HSD17B3: variants seen among roughly 807,000 people sequenced by gnomAD.
HSD17B3 encodes the protein hydroxysteroid 17-beta dehydrogenase 3, also known as 17-beta-hydroxysteroid dehydrogenase type 3.
HSD17B3 carries 29 observed loss-of-function variants against 41.1 expected under a neutral mutation model. The observed-to-expected ratio is 0.71, with a 90% confidence interval of 0.53 to 0.96. The LOEUF is 0.96. Ranked by LOEUF, HSD17B3 falls within the 40% of genes least tolerant of loss-of-function variation. HSD17B3 has a pLI of 0.00. For synonymous variants in HSD17B3, 126 were observed against 145.6 expected, an observed-to-expected ratio of 0.87 and a Z score of 0.97; for missense variants, 323 against 374.6, an observed-to-expected ratio of 0.86 and a Z score of 1.14.
intron 4 of HSD17B3, 61 bp downstream of exon 4, chr9:96,252,742 T>C: frequency 1.2e-6 from 1 of 859,680 alleles, no homozygotes; most frequent in Middle Eastern, 2.6e-4. Context: ...ATGTCACTCA[T>C]CAGTGTCAGG....
intron 2 of HSD17B3, among the ~76,000 whole-genome samples, chr9:96,267,951 A>C (rs1293457254): frequency 2.6e-5 from 4 of 152,050 alleles, no homozygotes; most frequent in Non-Finnish European, 5.9e-5. Flanking sequence ...TTTGAGACAG[A>C]GTCTCACTCT....
chr9:96,244,207 C>T lies in HSD17B3; in HGVS notation c.672+122G>A, dbSNP rs140216363. The T allele has an allele frequency of 2.6e-4, 246 of 964,120 alleles. 2 individuals carry two copies. In the African/African-American group the frequency reaches 3.3e-3, roughly 13 times the overall value. The allele number at this position is 964,120 out of a possible 1,614,324, so 59.7% of individuals were successfully genotyped here. A position where few individuals can be genotyped will look rare whatever the true frequency, so the allele number is the denominator to read the frequency against. On this transcript the variant is annotated intron_variant, in intron 9 of 10. Coordinates refer to ENST00000375263, the MANE Select transcript of HSD17B3 (RefSeq NM_000197.2). ...CATCTTCCTGTTGACCACACATGAG[C>T]AGCCAGACCCACAGGAGGCAGTGGC...
In HSD17B3 at chr9:96,302,138, G is replaced by A. The variant is rs759418931; in HGVS notation, c.-34C>T. 2.9e-5 allele frequency: 46 copies of A among 1,609,040 alleles called. No individual in the cohort carries two copies. The highest frequency in any genetic ancestry group is 1.7e-4 in the Middle Eastern group (1 of 5,996). On this transcript the variant is annotated 5_prime_UTR_variant, in exon 1 of 11. The change creates a new upstream start codon in the 5' untranslated region. Coordinates refer to ENST00000375263, the MANE Select transcript of HSD17B3 (RefSeq NM_000197.2). ...TCAACAGACTGTTTCAGCCCTGGCC[G>A]TGGCTCTCTGTGTATGCCTCCTGGG... is the stretch of plus-strand genomic sequence containing the variant.
At chr9:96,278,833 G>A (rs571299095) in intron 2 of HSD17B3, among the ~76,000 whole-genome samples, 22 of 152,172 alleles carry the variant, frequency 1.4e-4, no homozygotes, top group Non-Finnish European at 2.8e-4. Context: ...TGCCTTACAA[G>A]GCAAGCAAGC....
At chr9:96,286,904 C>T (rs1167055717) in intron 2 of HSD17B3, among the ~76,000 whole-genome samples, 1 of 152,180 alleles carries the variant, frequency 6.6e-6, no homozygotes, top group East Asian at 1.9e-4. Context: ...CAACCAGCAG[C>T]CCTCAGGGCT....
At chr9:96,298,629 G>A (rs889722218) in intron 1 of HSD17B3, among the ~76,000 whole-genome samples, 167 bp from the exon 2 acceptor site, 80 of 152,302 alleles carry the variant, frequency 5.3e-4, no homozygotes, top group African/African-American at 1.9e-3. Context: ...AAACATTCAG[G>A]TGAAAGGATT....
At chr9:96,266,572 A>G (rs1826050530) in intron 2 of HSD17B3, among the ~76,000 whole-genome samples, 1 of 152,134 alleles carries the variant, frequency 6.6e-6, no homozygotes, top group African/African-American at 2.4e-5. Flanking sequence ...GCCTAGCCCC[A>G]GCCTACAAAA....
At chr9:96,287,607 G>T (rs1442406481) in intron 2 of HSD17B3, among the ~76,000 whole-genome samples, 1 of 152,174 alleles carries the variant, frequency 6.6e-6, no homozygotes, top group African/African-American at 2.4e-5. Flanking sequence ...CTACCAGGGA[G>T]GCTGAGGCAG....
rs10545828 is a variant in HSD17B3, at chr9:96,300,607, TTGTGTG to T, written c.154+1338_154+1343del. On this transcript the variant is annotated intron_variant, in intron 1 of 10. Coordinates refer to ENST00000375263, the MANE Select transcript of HSD17B3 (RefSeq NM_000197.2). ...TTAATCATTTTTGTCATTGGATTCT[TTGTGTG>T]TGTGTGTGTGTGTGTGTGTGTGTGT... is the stretch of plus-strand genomic sequence containing the variant. Among the ~76,000 whole-genome samples, 14 of 109,878 alleles carry T rather than the reference TTGTGTG, an allele frequency of 1.3e-4. 1 individual carries two copies. The highest frequency in any genetic ancestry group is 6.9e-4 in the South Asian group (2 of 2,914). 72.1% of individuals were successfully genotyped at this position (109,878 alleles called of 152,430 possible).
intron 2 of HSD17B3, among the ~76,000 whole-genome samples, chr9:96,280,399 G>C (rs1826643675): frequency 6.6e-6 from 1 of 152,168 alleles, no homozygotes; most frequent in Non-Finnish European, 1.5e-5. Flanking sequence ...TATAACATCT[G>C]TTAGGCTAGC....
intron 2 of HSD17B3, among the ~76,000 whole-genome samples, chr9:96,279,238 A>G (rs1012422138): frequency 2.0e-5 from 3 of 152,198 alleles, no homozygotes; most frequent in Admixed American, 2.0e-4. Context: ...ACATATACCC[A>G]AGGTGGTTGG....
chr9:96,249,896 G>A, intron 5 of HSD17B3, 110 bp from the exon 6 acceptor site: 1 of 1,595,206 alleles, frequency 6.3e-7, no homozygotes, highest in Non-Finnish European at 8.5e-7. Context: ...TGTCTGAACG[G>A]TTTCATCACT....
intron 2 of HSD17B3, among the ~76,000 whole-genome samples, chr9:96,277,883 T>C (rs1221784699): frequency 6.7e-6 from 1 of 149,408 alleles, no homozygotes; most frequent in East Asian, 2.0e-4. Context: ...TGGAATATCA[T>C]TTAGCCTTTA....
chr9:96,246,569 G>A lies in HSD17B3; in HGVS notation c.511C>T (p.His171Tyr). 6.2e-7 allele frequency: 1 copy of A among 1,614,096 alleles called. No individual in the cohort carries two copies. The highest frequency in any genetic ancestry group is 1.7e-5 in the Admixed American group (1 of 60,018). ...VVKMTQLILK[H>Y]MESRQKGLIL... ...AGAAGGCCTTACCTTGATTCCATAT[G>A]TTTCAGAATTAGCTGTGTCATCTAC... Residue 171 changes from histidine to tyrosine, a missense_variant, in exon 7 of 11, where the codon CAT becomes TAT. Transcript: ENST00000375263.
intron 2 of HSD17B3, among the ~76,000 whole-genome samples, chr9:96,280,589 T>C (rs537301810): frequency 1.3e-5 from 2 of 151,982 alleles, no homozygotes; most frequent in African/African-American, 4.8e-5. Context: ...TGCAATAGGG[T>C]GGGGCTGGCA....
chr9:96,252,692 A>T, intron 4 of HSD17B3, 111 bp downstream of exon 4: 1 of 760,574 alleles, frequency 1.3e-6, no homozygotes, highest in Non-Finnish European at 2.4e-6. Context: ...AGCTTAAAAT[A>T]CAGTCATGGT....
At chr9:96,237,798 T>C (rs891842089) in intron 10 of HSD17B3, among the ~76,000 whole-genome samples, 12 of 152,214 alleles carry the variant, frequency 7.9e-5, no homozygotes. Context: ...CCTGAAGAAA[T>C]TAGAATCTGT....
intron 5 of HSD17B3, chr9:96,250,124 ATG>A (rs1303741433): frequency 7.7e-7 from 1 of 1,294,958 alleles, no homozygotes; most frequent in Non-Finnish European, 9.9e-7. Flanking sequence ...GGGTTAGCCT[ATG>A]TGAGTCCAGG....
At chr9:96,238,849 C>T (rs1422895582) in intron 10 of HSD17B3, among the ~76,000 whole-genome samples, 1 of 152,074 alleles carries the variant, frequency 6.6e-6, no homozygotes, top group Non-Finnish European at 1.5e-5. Flanking sequence ...GCACTGAGGG[C>T]AAAGAAGGGG....
Sources: allele counts gnomAD v4.1 joint callset (sites outside exome capture counted in the v4.1 genomes callset), GRCh38; gene constraint gnomAD v4.1.1; transcripts MANE v1.5; gene names NCBI Gene and HGNC (gene_info 2026-07-23, HGNC 2026-07-21).